The following SMAD2 variants were observed in gnomAD, a reference collection of about 807,000 sequenced individuals.
The protein encoded by SMAD2 is SMAD family member 2.
SMAD2 carries 8 observed loss-of-function variants against 64.4 expected under a neutral mutation model. The observed-to-expected ratio is 0.12, with a 90% confidence interval of 0.07 to 0.22. The LOEUF (loss-of-function observed/expected upper bound fraction) is 0.22, where lower values mean the gene tolerates loss of function less well. Among genes scored for constraint, SMAD2 ranks in the 10% least tolerant of loss-of-function variants. The pLI is 1.00. For missense variants in SMAD2, 289 were observed against 561.2 expected (o/e 0.51, Z 4.90); for synonymous variants, 203 against 195.8 (o/e 1.04, Z -0.31).
Position 47,837,445 on chromosome 18 carries a change from C to A in SMAD2, c.*4382G>T, listed in dbSNP as rs1404247570. ...AGTGTGGTGGTGGGCGCCTGTAGTC[C>A]CAGCTACTTGGGAGGCTGAGGCAGA... On this transcript the variant is annotated 3_prime_UTR_variant, in exon 11 of 11. Transcript: ENST00000262160. The A allele has an allele frequency of 4.9e-6, 1 of 202,216 alleles. No homozygotes were observed. Among genetic ancestry groups the A allele is most frequent in the East Asian group, 7.6e-5 (1 of 13,072 alleles). The allele number at this position is 202,216 out of a possible 1,614,324, so 12.5% of individuals were successfully genotyped here.
intron 1 of SMAD2, among the ~76,000 whole-genome samples, chr18:47,907,989 A>G (rs1568105717): frequency 1.3e-5 from 2 of 152,214 alleles, no homozygotes; most frequent in Non-Finnish European, 2.9e-5. Flanking sequence ...TAGCAATGTA[A>G]ATTACAATTC....
chr18:47,865,397 C>A (rs2031483314), intron 5 of SMAD2, among the ~76,000 whole-genome samples: 1 of 152,112 alleles, frequency 6.6e-6, no homozygotes, highest in Admixed American at 6.5e-5. Flanking sequence ...CCTATATGTA[C>A]ATATTCTGGG....
chr18:47,826,373 A>T lies in SMAD2; in HGVS notation c.*15454T>A, dbSNP rs1335576091. On this transcript the variant is annotated 3_prime_UTR_variant, in exon 11 of 11. Transcript: ENST00000262160. The stretch of plus-strand genomic sequence containing the variant: ...CTCCTATGTTCTCTCCCTTGGTCTA[A>T]TAACTCTGTAGTGCCTTTCCACACT... 1 of 152,260 alleles carries T rather than the reference A, an allele frequency of 6.6e-6. No individual in the cohort carries two copies. Among genetic ancestry groups the T allele is most frequent in the Non-Finnish European group, 1.5e-5 (1 of 68,080 alleles). 9.4% of individuals were successfully genotyped at this position (152,260 alleles called of 1,614,324 possible).
At chr18:47,909,942 C>T (rs2034058745) in intron 1 of SMAD2, among the ~76,000 whole-genome samples, 2 of 152,064 alleles carry the variant, frequency 1.3e-5, no homozygotes, top group Admixed American at 1.3e-4. Context: ...ACACACAGTA[C>T]TCCATGGAAA....
At chr18:47,928,378 A>G (rs915254264) in intron 1 of SMAD2, among the ~76,000 whole-genome samples, 1 of 152,232 alleles carries the variant, frequency 6.6e-6, no homozygotes, top group Non-Finnish European at 1.5e-5. Context: ...TTCCATTGAC[A>G]TATATTCCCC....
At chr18:47,919,611 G>C (rs926197522) in intron 1 of SMAD2, among the ~76,000 whole-genome samples, 1 of 152,122 alleles carries the variant, frequency 6.6e-6, no homozygotes, top group African/African-American at 2.4e-5. Context: ...CGGCGTACTA[G>C]GTGTAGAGGC....
chr18:47,857,354 T>A (rs1027236990), intron 6 of SMAD2, among the ~76,000 whole-genome samples: 20 of 152,322 alleles, frequency 1.3e-4, no homozygotes, highest in African/African-American at 4.8e-4. Flanking sequence ...AAAAACTTAA[T>A]CCCCAGTGCG....
chr18:47,874,328 T>C (rs925474034), intron 2 of SMAD2, among the ~76,000 whole-genome samples: 1 of 152,212 alleles, frequency 6.6e-6, no homozygotes. Context: ...CTACACTGAA[T>C]GACTCCACTT....
chr18:47,894,821 A>G (rs975807467), intron 2 of SMAD2, among the ~76,000 whole-genome samples: 7 of 152,232 alleles, frequency 4.6e-5, no homozygotes, highest in African/African-American at 1.7e-4. Flanking sequence ...CATAGTGGGC[A>G]TATGATAAAT....
chr18:47,847,495 A>G (rs1914616316), intron 8 of SMAD2, among the ~76,000 whole-genome samples: 1 of 152,120 alleles, frequency 6.6e-6, no homozygotes, highest in African/African-American at 2.4e-5. Flanking sequence ...TGAGGACCCC[A>G]AAGAGCTTTT....
chr18:47,918,106 G>A (rs1454869366), intron 1 of SMAD2, among the ~76,000 whole-genome samples: 2 of 152,230 alleles, frequency 1.3e-5, no homozygotes, highest in African/African-American at 4.8e-5. Context: ...GGTAGCACTT[G>A]TTAAGAGCTT....
chr18:47,862,332 C>G (rs912070788), intron 6 of SMAD2, among the ~76,000 whole-genome samples: 3 of 152,112 alleles, frequency 2.0e-5, no homozygotes, highest in African/African-American at 7.2e-5. Context: ...CTTAAAACAA[C>G]AGAAATTTAT....
rs934627015 is a variant in SMAD2 at position 47,822,062 on chromosome 18, G to A, written c.*19765C>T. 2.0e-5 allele frequency: 3 copies of A among 152,124 alleles called. No homozygotes were observed. The highest frequency in any genetic ancestry group is 4.4e-5 in the Non-Finnish European group (3 of 68,018). 9.4% of individuals were successfully genotyped at this position (152,124 alleles called of 1,614,324 possible). On this transcript the variant is annotated 3_prime_UTR_variant, in exon 11 of 11. Transcript: ENST00000262160. ...TTAGGCTTCTTTGATGTATTAAATT[G>A]TATGAAAAGCATTGTCTAATGATGT...
chr18:47,831,557 T>C lies in SMAD2; in HGVS notation c.*10270A>G, dbSNP rs1309952636. ...GACTGTAAAAACTGGCAAATCCCCA[T>C]CTCAAATTCCATTTATTCTATAACC... On this transcript the variant is annotated 3_prime_UTR_variant, in exon 11 of 11. Coordinates refer to ENST00000262160, the MANE Select transcript of SMAD2 (RefSeq NM_005901.6). 6.6e-6 allele frequency: 1 copy of C among 152,232 alleles called. No individual in the cohort carries two copies. Among genetic ancestry groups the C allele is most frequent in the African/African-American group, 2.4e-5 (1 of 41,454 alleles). The allele number at this position is 152,232 out of a possible 1,614,324, so 9.4% of individuals were successfully genotyped here.
At chr18:47,864,225 A>C (rs545613702) in intron 6 of SMAD2, among the ~76,000 whole-genome samples, 52 of 152,302 alleles carry the variant, frequency 3.4e-4, no homozygotes, top group South Asian at 1.7e-3. Context: ...TAAACACCCA[A>C]ATGTATGATT....
intron 1 of SMAD2, among the ~76,000 whole-genome samples, chr18:47,898,777 CAAAG>C (rs757568842): frequency 6.6e-5 from 10 of 152,010 alleles, no homozygotes; most frequent in Non-Finnish European, 1.5e-4. Flanking sequence ...TACAGGTACA[CAAAG>C]AAACACCATC....
chr18:47,842,525 T>C, intron 10 of SMAD2, among the ~76,000 whole-genome samples: 1 of 151,750 alleles, frequency 6.6e-6, no homozygotes, highest in East Asian at 1.9e-4. Context: ...GGCGACAGAG[T>C]GAGACTCTGT....
rs914241726 is a variant in SMAD2, at chr18:47,816,065, G to A, written c.*25762C>T. On this transcript the variant is annotated 3_prime_UTR_variant, in exon 11 of 11. Coordinates refer to ENST00000262160, the MANE Select transcript of SMAD2 (RefSeq NM_005901.6). ...ATGAAAGTTCTGGAGAGTCACCTAA[G>A]AGACGGTAAACACATACCTCATGTC... 2.6e-5 allele frequency: 4 copies of A among 152,212 alleles called. No homozygotes were observed. The highest frequency in any genetic ancestry group is 5.9e-5 in the Non-Finnish European group (4 of 68,046). The allele number at this position is 152,212 out of a possible 1,614,324, so 9.4% of individuals were successfully genotyped here.
chr18:47,862,751 G>A (rs2031278308), intron 6 of SMAD2, among the ~76,000 whole-genome samples: 2 of 152,160 alleles, frequency 1.3e-5, no homozygotes, highest in African/African-American at 2.4e-5. Context: ...CACAGTGTAT[G>A]TAGAAGATAC....
Sources: allele counts gnomAD v4.1 joint callset (sites outside exome capture counted in the v4.1 genomes callset), GRCh38; gene constraint gnomAD v4.1.1; transcripts MANE v1.5; gene names NCBI Gene and HGNC (gene_info 2026-07-23, HGNC 2026-07-21).